ZNF765: variants seen among roughly 807,000 people sequenced by gnomAD.
ZNF765 encodes the protein zinc finger protein 765.
ZNF765 carries 37 observed loss-of-function variants against 44.7 expected under a neutral mutation model. The observed-to-expected ratio is 0.83, with a 90% confidence interval of 0.64 to 1.09. The LOEUF (loss-of-function observed/expected upper bound fraction) is 1.09, where lower values mean the gene tolerates loss of function less well. Among genes scored for constraint, ZNF765 ranks in the 50% least tolerant of loss-of-function variants. The pLI, the probability that ZNF765 is intolerant of heterozygous loss-of-function variation, is 0.00. For missense variants in ZNF765, 594 were observed against 626.1 expected (o/e 0.95, Z 0.55); for synonymous variants, 201 against 213.7 (o/e 0.94, Z 0.52).
intron 3 of ZNF765, among the ~76,000 whole-genome samples, chr19:53,404,997 C>T (rs868536732): frequency 6.6e-6 from 1 of 152,112 alleles, no homozygotes. Context: ...GTGGGCAGAT[C>T]GCTTGAAGTC....
intron 3 of ZNF765, among the ~76,000 whole-genome samples, chr19:53,418,265 G>A (rs746233661): frequency 6.6e-6 from 1 of 152,154 alleles, no homozygotes; most frequent in Non-Finnish European, 1.5e-5. Context: ...GCCGGGCGTG[G>A]TGGCGGGTGC....
chr19:53,404,814 G>A (rs1287035395), intron 3 of ZNF765, among the ~76,000 whole-genome samples: 1 of 152,212 alleles, frequency 6.6e-6, no homozygotes, highest in Non-Finnish European at 1.5e-5. Flanking sequence ...GGTATTGCAA[G>A]ATTTATGGTA....
At chr19:53,395,799 C>T (rs1450276941) in intron 1 of ZNF765, among the ~76,000 whole-genome samples, 1 of 152,184 alleles carries the variant, frequency 6.6e-6, no homozygotes, top group Non-Finnish European at 1.5e-5. Context: ...AAAATGCGCT[C>T]CCCCGGGATG....
intron 2 of ZNF765, among the ~76,000 whole-genome samples, chr19:53,401,081 A>T (rs1043349059): frequency 4.0e-5 from 6 of 151,638 alleles, no homozygotes; most frequent in African/African-American, 1.5e-4. Flanking sequence ...GATCATTGCA[A>T]CCTCTGCCTC....
intron 3 of ZNF765, among the ~76,000 whole-genome samples, chr19:53,407,262 C>T (rs1383761053): frequency 2.0e-5 from 3 of 152,072 alleles, no homozygotes; most frequent in African/African-American, 7.2e-5. Flanking sequence ...TTTGGTTATC[C>T]TTACATAATC....
chr19:53,400,381 C>T (rs2085711712), intron 2 of ZNF765, among the ~76,000 whole-genome samples: 2 of 152,056 alleles, frequency 1.3e-5, no homozygotes, highest in South Asian at 2.1e-4. Flanking sequence ...TGCACACCCG[C>T]GTTACTACAG....
rs1483988227 is a variant in ZNF765, at chr19:53,409,777, AC to A, written c.*652del. The A allele has an allele frequency of 2.2e-5, 18 of 818,936 alleles. No individual in the cohort carries two copies. The highest frequency in any genetic ancestry group is 3.8e-5 in the Non-Finnish European group (18 of 472,980). The allele number at this position is 818,936 out of a possible 1,614,324, so 50.7% of individuals were successfully genotyped here. ...ATCATAGACTTCATACTGGAGAGAT[AC>A]CTTAAAAGTGTAGTGAGTGTGGCAA... On this transcript the variant is annotated 3_prime_UTR_variant, in exon 4 of 4. Coordinates refer to ENST00000396408, the MANE Select transcript of ZNF765 (RefSeq NM_001040185.3).
At chr19:53,398,308 T>TA (rs1371645097) in intron 2 of ZNF765, among the ~76,000 whole-genome samples, 1 of 152,154 alleles carries the variant, frequency 6.6e-6, no homozygotes, top group East Asian at 1.9e-4. Flanking sequence ...TCAGTGCTGT[T>TA]GGGCAGCAGG....
At chr19:53,415,465 T>A (rs1335759490), downstream of ZNF765, among the ~76,000 whole-genome samples, 2 of 152,188 alleles carry the variant, frequency 1.3e-5, no homozygotes, top group African/African-American at 4.8e-5. Context: ...TGAAATTGTG[T>A]AGGCAGAAGG....
At position 53,408,812 on chromosome 19, in the gene ZNF765, C is replaced by G. The variant is rs1468932531; in HGVS notation, c.1257C>G (p.Thr419=). 3 of 1,613,958 alleles carry G rather than the reference C, an allele frequency of 1.9e-6. No homozygotes were observed. Among genetic ancestry groups the G allele is most frequent in the Non-Finnish European group, 2.5e-6 (3 of 1,180,018 alleles). The change falls in exon 4 of 4, where the codon ACC becomes ACG. Residue 419 remains threonine (T), a synonymous_variant. Transcript: ENST00000396408. ...ACAAGTGTAATGAGTGTGGCAAGAC[C>G]TTCAATCAGCAGTTAACCCTTAACA... ...KPYKCNECGK[T]FNQQLTLNIC...
intron 1 of ZNF765, 80 bp from the exon 2 acceptor site, chr19:53,397,863 T>A (rs527524995): frequency 2.9e-4 from 384 of 1,328,892 alleles, no homozygotes; most frequent in Non-Finnish European, 3.3e-4. Flanking sequence ...CAGGATGAGG[T>A]CTCCTTTGTA....
At chr19:53,418,174 G>A (rs565339592) in intron 3 of ZNF765, among the ~76,000 whole-genome samples, 90 of 152,108 alleles carry the variant, frequency 5.9e-4, no homozygotes, top group African/African-American at 2.0e-3. Context: ...AGGCCAAGGC[G>A]GGAGGATCAC....
chr19:53,400,415 A>C (rs1189464875), intron 2 of ZNF765, among the ~76,000 whole-genome samples: 2 of 152,078 alleles, frequency 1.3e-5, no homozygotes, highest in East Asian at 3.9e-4. Context: ...CCTCCAGGTC[A>C]GGCAGTTGAA....
chr19:53,421,756 C>T (rs1029949369), intron 3 of ZNF765, among the ~76,000 whole-genome samples: 19 of 152,238 alleles, frequency 1.2e-4, no homozygotes, highest in African/African-American at 2.6e-4. Context: ...TCAGGTGATC[C>T]GCCCACCTTT....
intron 3 of ZNF765, among the ~76,000 whole-genome samples, chr19:53,405,903 C>CTATATATATATATATATATA (rs10675178): frequency 4.1e-5 from 2 of 49,182 alleles, no homozygotes; most frequent in Non-Finnish European, 4.9e-5. Context: ...TTAATACCAA[C>CTATATATATATATATATATA]TATATATATA....
intron 3 of ZNF765, 85 bp from the exon 4 acceptor site, chr19:53,407,613 T>C: frequency 1.9e-6 from 2 of 1,044,910 alleles, no homozygotes; most frequent in South Asian, 2.4e-5. Context: ...AAAATAAGTA[T>C]TGTTTTTTGT....
rs2085810898 is a variant in ZNF765 at position 53,409,263 on chromosome 19, A to C, written c.*136A>C. 6.5e-6 allele frequency: 7 copies of C among 1,072,394 alleles called. No homozygotes were observed. The South Asian group carries it at 8.8e-5, about 14-fold the overall frequency. The allele number at this position is 1,072,394 out of a possible 1,614,324, so 66.4% of individuals were successfully genotyped here. A position where few individuals can be genotyped will look rare whatever the true frequency, so the allele number is the denominator to read the frequency against. On this transcript the variant is annotated 3_prime_UTR_variant, in exon 4 of 4. Coordinates refer to ENST00000396408, the MANE Select transcript of ZNF765 (RefSeq NM_001040185.3). ...AATCAAACCTTGAAATACATCAGAA[A>C]ATTCGTACTGAAGAGAATCTTACAA... is the stretch of plus-strand genomic sequence containing the variant.
At chr19:53,398,663 A>G (rs2085693773) in intron 2 of ZNF765, among the ~76,000 whole-genome samples, 2 of 152,206 alleles carry the variant, frequency 1.3e-5, no homozygotes, top group Admixed American at 6.5e-5. Context: ...CATTACGCTC[A>G]TGGAGACTGT....
rs1252016192 is a variant in ZNF765, at chr19:53,411,732, G to T, written c.*2605G>T. The T allele has an allele frequency of 1.3e-5, 2 of 152,232 alleles. No individual in the cohort carries two copies. Among genetic ancestry groups the T allele is most frequent in the African/African-American group, 4.8e-5 (2 of 41,406 alleles). The allele number at this position is 152,232 out of a possible 1,614,324, so 9.4% of individuals were successfully genotyped here. A position where few individuals can be genotyped will look rare whatever the true frequency, so the allele number is the denominator to read the frequency against. On this transcript the variant is annotated 3_prime_UTR_variant, in exon 4 of 4. Transcript: ENST00000396408. Reference sequence around the variant, plus strand: ...CTAATCATTTTGATCAATGTTTGTAGATTTCAAGGTAAAAACCTCTGACCT... The same window carrying T: ...CTAATCATTTTGATCAATGTTTGTATATTTCAAGGTAAAAACCTCTGACCT...
Sources: allele counts gnomAD v4.1 joint callset (sites outside exome capture counted in the v4.1 genomes callset), GRCh38; gene constraint gnomAD v4.1.1; transcripts MANE v1.5; gene names NCBI Gene and HGNC (gene_info 2026-07-23, HGNC 2026-07-21).